FAM153A: variants seen among roughly 807,000 people sequenced by gnomAD.
FAM153A encodes the protein protein FAM153A.
A neutral mutation model predicts 48.1 loss-of-function variants in FAM153A; 12 were observed. That is an observed-to-expected ratio of 0.25 (90% confidence interval 0.16 to 0.40). FAM153A has a LOEUF of 0.40. Ranked by LOEUF, FAM153A falls within the 10% of genes least tolerant of loss-of-function variation. The probability of loss-of-function intolerance (pLI) is 1.00; values close to 1 mark genes in which losing one functional copy is unlikely to be tolerated. For synonymous variants in FAM153A, 36 were observed against 118.2 expected (o/e 0.30, Z 4.51); for missense variants, 111 against 345.8 (o/e 0.32, Z 5.38).
At chr5:177,708,501 C>T (rs1263132470), downstream of FAM153A, among the ~76,000 whole-genome samples, 23 of 151,740 alleles carry the variant, frequency 1.5e-4, no homozygotes, top group Admixed American at 5.9e-4. Flanking sequence ...CGCTTGAACC[C>T]GGGAGGCGGA....
At position 177,715,009 on chromosome 5, in the gene FAM153A, AAC is replaced by A. The variant is rs201702581; in HGVS notation, c.*1223-1095_*1223-1094del. On this transcript the variant is annotated intron_variant and NMD_transcript_variant, in intron 25 of 26. Transcript: ENST00000360669. ...CAGATAAAGAGGGCTGACTGTATTT[AAC>A]ACACACACACATTTTCTTTTGCCTG... Among the ~76,000 whole-genome samples, 351 of 136,148 alleles carry A rather than the reference AAC, an allele frequency of 2.6e-3. 10 individuals are homozygous for A. Among genetic ancestry groups the A allele is most frequent in the Non-Finnish European group, 6.0e-4 (37 of 61,464 alleles). The allele number at this position is 136,148 out of a possible 152,430, so 89.3% of individuals were successfully genotyped here.
At chr5:177,759,000 C>T (rs1463589352) in intron 1 of FAM153A, among the ~76,000 whole-genome samples, 1 of 151,752 alleles carries the variant, frequency 6.6e-6, no homozygotes, top group East Asian at 1.9e-4. Context: ...TAAAGAGCTT[C>T]TGCACAGAAA....
the FAM153A span, among the ~76,000 whole-genome samples, chr5:177,697,471 A>C: frequency 6.6e-6 from 1 of 151,382 alleles, no homozygotes; most frequent in Admixed American, 6.6e-5. Context: ...TGCAGACTGC[A>C]CAGCCTCATC....
the FAM153A span, among the ~76,000 whole-genome samples, chr5:177,696,191 G>A: frequency 1.6e-5 from 2 of 128,336 alleles, no homozygotes; most frequent in Non-Finnish European, 3.3e-5. Context: ...AGATGGGGCG[G>A]CCGGGCAGAG....
chr5:177,703,493 AGT>A (rs1757630036), downstream of FAM153A, among the ~76,000 whole-genome samples: 1 of 149,608 alleles, frequency 6.7e-6, no homozygotes, highest in Admixed American at 6.7e-5. Context: ...TGGACTTTTG[AGT>A]TAATGCTGGA....
At chr5:177,701,022 A>G in the FAM153A span, among the ~76,000 whole-genome samples, 1 of 151,690 alleles carries the variant, frequency 6.6e-6, no homozygotes, top group Admixed American at 6.6e-5. Context: ...TTTCTCATGA[A>G]TGGTTTAGTA....
the FAM153A span, among the ~76,000 whole-genome samples, chr5:177,699,207 A>G: frequency 2.0e-5 from 3 of 151,732 alleles, no homozygotes; most frequent in Admixed American, 1.3e-4. Context: ...TTAGAGCTAA[A>G]TTGATAGTTG....
chr5:177,700,972 A>G, the FAM153A span, among the ~76,000 whole-genome samples: 1 of 151,920 alleles, frequency 6.6e-6, no homozygotes, highest in Non-Finnish European at 1.5e-5. Context: ...CCAGTGTTGG[A>G]AGTGGGGCCT....
chr5:177,709,189 G>A (rs1159005270), downstream of FAM153A, among the ~76,000 whole-genome samples: 3 of 134,898 alleles, frequency 2.2e-5, no homozygotes, highest in Admixed American at 2.3e-4. Flanking sequence ...ACATTTTCTA[G>A]TACTGCATTC....
Position 177,739,103 on chromosome 5 carries a change from G to C in FAM153A, c.562+10C>G, listed in dbSNP as rs1765152175. The C allele has an allele frequency of 6.2e-7, 1 of 1,612,900 alleles. No homozygotes were observed. Among genetic ancestry groups the C allele is most frequent in the Admixed American group, 1.7e-5 (1 of 59,976 alleles). On this transcript the variant is annotated intron_variant, in intron 10 of 20. Transcript: ENST00000614127. ...TTTCCTTAGCAAAAAGGTGATCCCA[G>C]AATACATACCGTTGGTTTGGGTGCC...
At chr5:177,719,034 C>T (rs984142849), downstream of FAM153A, among the ~76,000 whole-genome samples, 4 of 151,522 alleles carry the variant, frequency 2.6e-5, no homozygotes, top group Admixed American at 2.0e-4. Context: ...GCGTGCACCA[C>T]CTTGCCTGGA....
chr5:177,728,768 TGTCA>T (rs1350552656), intron 18 of FAM153A, among the ~76,000 whole-genome samples: 8 of 150,488 alleles, frequency 5.3e-5, no homozygotes, highest in African/African-American at 1.2e-4. Context: ...GGTTTCTCAA[TGTCA>T]GTCAGGCTGG....
chr5:177,752,818 C>A lies in FAM153A; in HGVS notation c.31+358G>T, dbSNP rs1186731215. On this transcript the variant is annotated intron_variant, in intron 1 of 20. Coordinates refer to ENST00000614127, the Ensembl canonical transcript of FAM153A. Reference sequence around the variant, plus strand: ...TGGCGGATGCCTGTAATCCCAGCTACTCAGGAGGCTGAGGCAGGAGAATTG... The same window carrying A: ...TGGCGGATGCCTGTAATCCCAGCTAATCAGGAGGCTGAGGCAGGAGAATTG... 7.9e-5 allele frequency among the ~76,000 whole-genome samples: 10 copies of A among 127,314 alleles called. No individual in the cohort carries two copies. In the Admixed American group the frequency reaches 7.9e-4, roughly 10 times the overall value. The allele number at this position is 127,314 out of a possible 152,430, so 83.5% of individuals were successfully genotyped here.
rs1356659927 is a variant in FAM153A, at chr5:177,769,069, CA to C, written c.-57+11379del. ...AAACCCCACCTCTACTAAAGAAATC[CA>C]AAAAAAAAAAAAAATAGCCGGGCTT... On this transcript the variant is annotated intron_variant, in intron 1 of 8. Transcript: ENST00000393518. Among the ~76,000 whole-genome samples the C allele has an allele frequency of 2.9e-3, 181 of 62,984 alleles. 15 individuals are homozygous for C. The highest frequency in any genetic ancestry group is 4.3e-3 in the South Asian group (7 of 1,642). The allele number at this position is 62,984 out of a possible 152,430, so 41.3% of individuals were successfully genotyped here. A position where few individuals can be genotyped will look rare whatever the true frequency, so the allele number is the denominator to read the frequency against.
chr5:177,752,932 C>T (rs1286220553), intron 1 of FAM153A, among the ~76,000 whole-genome samples: 1 of 97,702 alleles, frequency 1.0e-5, no homozygotes, highest in Non-Finnish European at 2.0e-5. Context: ...TTCACTCTTC[C>T]AAAAAAAAAA....
chr5:177,705,188 C>T (rs1229919137), downstream of FAM153A, among the ~76,000 whole-genome samples: 5 of 150,526 alleles, frequency 3.3e-5, no homozygotes, highest in Non-Finnish European at 7.4e-5. Flanking sequence ...CTTATAATCT[C>T]ATCTACTCGG....
At chr5:177,695,965 A>T in the FAM153A span, among the ~76,000 whole-genome samples, 1 of 90,242 alleles carries the variant, frequency 1.1e-5, no homozygotes, top group Admixed American at 1.1e-4. Flanking sequence ...GCGGCTGGGC[A>T]GAGGCACTCC....
At chr5:177,761,265 A>G (rs1222419183) in intron 1 of FAM153A, among the ~76,000 whole-genome samples, 1 of 151,732 alleles carries the variant, frequency 6.6e-6, no homozygotes, top group African/African-American at 2.4e-5. Flanking sequence ...GCTAGCAGCG[A>G]ATTCCCACTT....
chr5:177,738,367 T>G (rs1179290369), intron 10 of FAM153A, among the ~76,000 whole-genome samples: 1 of 151,404 alleles, frequency 6.6e-6, no homozygotes, highest in Non-Finnish European at 1.5e-5. Context: ...CTGTTTCCCA[T>G]GTGTCACCAC....
Sources: allele counts gnomAD v4.1 joint callset (sites outside exome capture counted in the v4.1 genomes callset), GRCh38; gene constraint gnomAD v4.1.1; transcripts MANE v1.5; gene names NCBI Gene and HGNC (gene_info 2026-07-23, HGNC 2026-07-21).